FRMD4A: variants seen among roughly 807,000 people sequenced by gnomAD.
The protein encoded by FRMD4A is FERM domain-containing protein 4A.
Under a neutral mutation model 129.1 loss-of-function variants are expected in FRMD4A, and 29 were observed. That is an observed-to-expected ratio of 0.22 (90% CI 0.17 to 0.31). The LOEUF is 0.31. Ranked by LOEUF, FRMD4A falls within the 10% of genes least tolerant of loss-of-function variation. The pLI is 1.00. For synonymous variants in FRMD4A, 634 were observed against 571.6 expected (o/e 1.11, Z -1.56); for missense variants, 1,272 against 1,375.8 (o/e 0.92, Z 1.19).
At chr10:13,967,765 G>C (rs1045976630) in intron 2 of FRMD4A, among the ~76,000 whole-genome samples, 1 of 152,192 alleles carries the variant, frequency 6.6e-6, no homozygotes, top group Non-Finnish European at 1.5e-5. Context: ...GATTGTGTAG[G>C]CTGAGCGCAG....
intron 3 of FRMD4A, among the ~76,000 whole-genome samples, chr10:13,818,295 G>A (rs954492115): frequency 1.3e-5 from 2 of 152,040 alleles, no homozygotes; most frequent in African/African-American, 2.4e-5. Flanking sequence ...CCTGAGTAGG[G>A]GGGGACTACA....
intron 2 of FRMD4A, among the ~76,000 whole-genome samples, chr10:14,315,591 G>GT (rs1846709417): frequency 6.6e-6 from 1 of 152,152 alleles, no homozygotes; most frequent in African/African-American, 2.4e-5. Flanking sequence ...CTTGCCTAAA[G>GT]TTTTTTCTAA....
intron 2 of FRMD4A, among the ~76,000 whole-genome samples, chr10:13,922,176 T>G (rs2095080643): frequency 6.6e-6 from 1 of 152,120 alleles, no homozygotes; most frequent in African/African-American, 2.4e-5. Flanking sequence ...TGCAGCACAG[T>G]GAGAAATAAA....
At chr10:14,093,709 C>G (rs1398446729) in intron 2 of FRMD4A, among the ~76,000 whole-genome samples, 3 of 152,194 alleles carry the variant, frequency 2.0e-5, no homozygotes, top group Non-Finnish European at 4.4e-5. Flanking sequence ...GAGCAGATGG[C>G]ATTTCATCAT....
intron 2 of FRMD4A, among the ~76,000 whole-genome samples, chr10:14,094,999 T>C (rs1043014698): frequency 6.6e-6 from 1 of 152,128 alleles, no homozygotes; most frequent in African/African-American, 2.4e-5. Context: ...TACATCCATA[T>C]GCATGGATGT....
At chr10:14,217,186 G>T (rs576052150) in intron 2 of FRMD4A, among the ~76,000 whole-genome samples, 2 of 152,268 alleles carry the variant, frequency 1.3e-5, no homozygotes, top group African/African-American at 4.8e-5. Flanking sequence ...ATTTTAAAAG[G>T]TGTCAAATAA....
intron 15 of FRMD4A, among the ~76,000 whole-genome samples, chr10:13,691,716 G>C (rs1406364864): frequency 6.6e-6 from 1 of 152,180 alleles, no homozygotes; most frequent in Non-Finnish European, 1.5e-5. Context: ...AAGAATCCAA[G>C]CTGAAGTCAG....
At chr10:14,072,619 TA>T (rs1835368882) in intron 2 of FRMD4A, among the ~76,000 whole-genome samples, 1 of 152,184 alleles carries the variant, frequency 6.6e-6, no homozygotes, top group South Asian at 2.1e-4. Context: ...AGGGTTTTCA[TA>T]ACTGTTGAAG....
chr10:14,112,216 G>T (rs959997938), intron 2 of FRMD4A, among the ~76,000 whole-genome samples: 1 of 152,072 alleles, frequency 6.6e-6, no homozygotes, highest in African/African-American at 2.4e-5. Flanking sequence ...AGCTGGGGAG[G>T]GCCCAGAGCA....
At chr10:14,229,355 T>C (rs927437372) in intron 2 of FRMD4A, among the ~76,000 whole-genome samples, 1 of 152,202 alleles carries the variant, frequency 6.6e-6, no homozygotes, top group Non-Finnish European at 1.5e-5. Flanking sequence ...GTTGCACATA[T>C]CCTATCATTT....
chr10:13,647,290 T>C (rs2081184782), intron 24 of FRMD4A: 1 of 152,366 alleles, frequency 6.6e-6, no homozygotes, highest in South Asian at 2.1e-4. Context: ...ACTTACTCAG[T>C]GCGGTGGTTC....
chr10:14,258,283 A>T, intron 2 of FRMD4A, among the ~76,000 whole-genome samples: 1 of 151,156 alleles, frequency 6.6e-6, no homozygotes, highest in East Asian at 1.9e-4. Context: ...ACTGGGAGAA[A>T]ATATTTATAA....
At chr10:13,685,334 A>G (rs2084970240) in intron 15 of FRMD4A, 1 of 982,712 alleles carries the variant, frequency 1.0e-6, no homozygotes, top group African/African-American at 1.7e-5. Context: ...CACTCGGTGA[A>G]GAGTGCAAAT....
At chr10:13,688,406 CA>C (rs997801496) in intron 15 of FRMD4A, among the ~76,000 whole-genome samples, 3 of 151,482 alleles carry the variant, frequency 2.0e-5, no homozygotes, top group Non-Finnish European at 2.9e-5. Flanking sequence ...GGGTGGGGGA[CA>C]GGGGGAGGGA....
intron 2 of FRMD4A, among the ~76,000 whole-genome samples, chr10:13,965,170 T>C (rs1458486769): frequency 6.6e-6 from 1 of 151,636 alleles, no homozygotes; most frequent in Non-Finnish European, 1.5e-5. Context: ...CCATCTGTAA[T>C]CAAGTTACGG....
intron 16 of FRMD4A, among the ~76,000 whole-genome samples, chr10:13,673,582 G>A (rs556995775): frequency 8.0e-5 from 11 of 137,930 alleles, no homozygotes; most frequent in South Asian, 2.1e-4. Flanking sequence ...GCATGCGTGC[G>A]CGCGCGCACA....
chr10:13,679,848 G>C (rs2084379657), intron 15 of FRMD4A, among the ~76,000 whole-genome samples: 1 of 152,120 alleles, frequency 6.6e-6, no homozygotes, highest in African/African-American at 2.4e-5. Flanking sequence ...CAAGGCAAGA[G>C]GTGGCCGAGT....
chr10:14,051,549 C>A (rs1483883433), intron 2 of FRMD4A, among the ~76,000 whole-genome samples: 1 of 152,190 alleles, frequency 6.6e-6, no homozygotes, highest in African/African-American at 2.4e-5. Flanking sequence ...GGAAGAGGAG[C>A]TGGAAATGAA....
At position 13,845,055 on chromosome 10, in the gene FRMD4A, CATTTT is replaced by C. The variant is rs535887999; in HGVS notation, c.111+13787_111+13791del. Among the ~76,000 whole-genome samples the C allele has an allele frequency of 7.2e-5, 11 of 152,284 alleles. No homozygotes were observed. In the South Asian group the frequency reaches 1.2e-3, roughly 17 times the overall value. ...TTCGGATATAGTTGTGCTTCAGTATCATTTTAATATAAAGCCTTAAGGATGGGGTC... is the reference window on the plus strand; with the variant it reads ...TTCGGATATAGTTGTGCTTCAGTATCAATATAAAGCCTTAAGGATGGGGTC... On this transcript the variant is annotated intron_variant, in intron 3 of 24. Coordinates refer to ENST00000357447, the MANE Select transcript of FRMD4A (RefSeq NM_018027.5).
Sources: gnomAD v4.1 joint callset for allele counts (sites outside exome capture counted in the v4.1 genomes callset) on GRCh38, gnomAD v4.1.1 for gene constraint, MANE v1.5 for transcripts, NCBI Gene and HGNC (gene_info 2026-07-23, HGNC 2026-07-21) for gene names.